FARP1: variants seen among roughly 807,000 people sequenced by gnomAD.
The protein encoded by FARP1 is FERM, ARHGEF and pleckstrin domain-containing protein 1.
A neutral mutation model predicts 128.8 loss-of-function variants in FARP1; 52 were observed. The ratio of observed to expected loss-of-function variants is 0.40; its 90% CI spans 0.32 to 0.51. The LOEUF (loss-of-function observed/expected upper bound fraction) is 0.51. Ranked by LOEUF, FARP1 falls within the 20% of genes least tolerant of loss-of-function variation. The pLI, the probability that FARP1 is intolerant of heterozygous loss-of-function variation, is 0.45. For missense variants in FARP1, 1,333 were observed against 1,367.9 expected (o/e 0.97, Z 0.40); for synonymous variants, 580 against 551.8 (o/e 1.05, Z -0.72).
chr13:98,152,480 A>C (rs1015380166), intron 1 of FARP1, among the ~76,000 whole-genome samples: 1 of 152,162 alleles, frequency 6.6e-6, no homozygotes, highest in African/African-American at 2.4e-5. Flanking sequence ...TTTTTACTAG[A>C]CCTGAAGCAG....
chr13:98,317,484 G>T (rs1886771805), intron 2 of FARP1, among the ~76,000 whole-genome samples: 1 of 152,190 alleles, frequency 6.6e-6, no homozygotes, highest in Non-Finnish European at 1.5e-5. Flanking sequence ...GACTCCATAA[G>T]TATATTTGAA....
In FARP1 at chr13:98,218,035, A is replaced by C. The variant is rs1881188074; in HGVS notation, c.171+4622A>C. Reference sequence around the variant, plus strand: ...CCCTCAACTTACCCATCTTCTGGGCACTAAGAGCCGCCTCCTTTGTGAGAT... The same window carrying C: ...CCCTCAACTTACCCATCTTCTGGGCCCTAAGAGCCGCCTCCTTTGTGAGAT... On this transcript the variant is annotated intron_variant, in intron 2 of 26. Coordinates refer to ENST00000319562, the MANE Select transcript of FARP1 (RefSeq NM_005766.4). 2.0e-5 allele frequency among the ~76,000 whole-genome samples: 3 copies of C among 152,030 alleles called. No homozygotes were observed. In the East Asian group the frequency reaches 5.8e-4, roughly 29 times the overall value.
At chr13:98,340,525 A>G (rs1244661136) in intron 2 of FARP1, among the ~76,000 whole-genome samples, 2 of 152,008 alleles carry the variant, frequency 1.3e-5, no homozygotes, top group African/African-American at 4.8e-5. Context: ...TTGTATTTGT[A>G]GTAGAGATGG....
intron 2 of FARP1, among the ~76,000 whole-genome samples, chr13:98,302,500 G>A (rs146633376): frequency 3.7e-4 from 56 of 152,212 alleles, no homozygotes; most frequent in South Asian, 1.7e-3. Context: ...CCCTTCCTGG[G>A]CGTGCTCAGG....
At position 98,176,991 on chromosome 13, in the gene FARP1, G is replaced by T; in HGVS notation, c.-24+33499G>T. The T allele has an allele frequency of 6.3e-7, 1 of 1,598,894 alleles. No individual in the cohort carries two copies. The highest frequency in any genetic ancestry group is 8.5e-7 in the Non-Finnish European group (1 of 1,179,334). On this transcript the variant is annotated intron_variant, in intron 1 of 26. Coordinates refer to ENST00000319562, the MANE Select transcript of FARP1 (RefSeq NM_005766.4). This position sits in a 1 kb window ranked among gnomAD's most constrained non-coding sequence, Gnocchi z 6.2. ...CGAGGCTCTCAGGCGCCGCCTCCTC[G>T]CCCCTCCTGTCGCCGTGAGCCGCCT...
At chr13:98,440,996 G>A (rs773714464) in intron 24 of FARP1, among the ~76,000 whole-genome samples, 160 bp downstream of exon 24, 7 of 152,236 alleles carry the variant, frequency 4.6e-5, no homozygotes, top group Non-Finnish European at 8.8e-5. Context: ...GCCCCCTTTG[G>A]AGCCTGCCGG....
intron 2 of FARP1, among the ~76,000 whole-genome samples, chr13:98,255,601 A>G (rs1279451278): frequency 6.6e-6 from 1 of 152,174 alleles, no homozygotes; most frequent in Non-Finnish European, 1.5e-5. Flanking sequence ...TTTTAATTGT[A>G]TTTGCCTTCA....
chr13:98,180,948 T>C (rs1277360450), intron 1 of FARP1, among the ~76,000 whole-genome samples: 1 of 152,248 alleles, frequency 6.6e-6, no homozygotes. Context: ...TACTCTGTTG[T>C]TAGATTATGT....
chr13:98,430,668 T>C (rs192603368), intron 17 of FARP1, among the ~76,000 whole-genome samples: 20 of 152,328 alleles, frequency 1.3e-4, no homozygotes, highest in African/African-American at 4.3e-4. Context: ...CTGGGCTGTT[T>C]GTTATCTGAA....
intron 2 of FARP1, among the ~76,000 whole-genome samples, chr13:98,280,270 C>G (rs754870316): frequency 3.9e-5 from 6 of 152,210 alleles, no homozygotes; most frequent in Non-Finnish European, 8.8e-5. Context: ...CCCCCATGCC[C>G]TCCCCCTCCA....
chr13:98,384,549 TCAC>T, intron 6 of FARP1, 178 bp from the exon 7 acceptor site: 1 of 601,300 alleles, frequency 1.7e-6, no homozygotes, highest in South Asian at 2.1e-5. Flanking sequence ...TCTTCTCACA[TCAC>T]CACAATTGAT....
At chr13:98,222,246 G>T (rs1192404687) in intron 2 of FARP1, among the ~76,000 whole-genome samples, 2 of 152,164 alleles carry the variant, frequency 1.3e-5, no homozygotes, top group African/African-American at 4.8e-5. Flanking sequence ...CATGATACGG[G>T]TTTCACAAAT....
intron 2 of FARP1, among the ~76,000 whole-genome samples, chr13:98,301,232 C>G (rs2139699439): frequency 6.6e-6 from 1 of 152,296 alleles, no homozygotes; most frequent in Non-Finnish European, 1.5e-5. Flanking sequence ...TTGACCAGCT[C>G]CTGGCCACTT....
chr13:98,155,343 CAAAAAA>C (rs67425847), intron 1 of FARP1, among the ~76,000 whole-genome samples: 43 of 64,548 alleles, frequency 6.7e-4, no homozygotes, highest in African/African-American at 2.2e-3. Context: ...AACTCTGTCT[CAAAAAA>C]AAAAAAAAAA....
At chr13:98,214,738 T>C (rs539424667) in intron 2 of FARP1, among the ~76,000 whole-genome samples, 6 of 152,314 alleles carry the variant, frequency 3.9e-5, no homozygotes, top group African/African-American at 1.4e-4. Flanking sequence ...TCTTGTGGAA[T>C]TTGTATCTTT....
intron 1 of FARP1, among the ~76,000 whole-genome samples, chr13:98,194,609 A>T (rs1339959162): frequency 6.6e-6 from 1 of 152,220 alleles, no homozygotes; most frequent in African/African-American, 2.4e-5. Context: ...GAAAATAACA[A>T]TTTATTACTT....
intron 1 of FARP1, among the ~76,000 whole-genome samples, chr13:98,184,618 C>A (rs1878739618): frequency 6.6e-6 from 1 of 152,082 alleles, no homozygotes; most frequent in African/African-American, 2.4e-5. Flanking sequence ...GAAAAAAATA[C>A]CAAAATGCGA....
intron 3 of FARP1, among the ~76,000 whole-genome samples, chr13:98,350,997 G>GCCTCCCCTGCCCAGCCTCA (rs1888396017): frequency 7.5e-6 from 1 of 134,202 alleles, no homozygotes; most frequent in Non-Finnish European, 1.5e-5. Context: ...GCCCAGCCTC[G>GCCTCCCCTGCCCAGCCTCA]CCTCCCCTGC....
In FARP1 at chr13:98,410,830, G is replaced by T. The variant is rs753030310; in HGVS notation, c.1692+7G>T. On this transcript the variant is annotated splice_region_variant and intron_variant, in intron 15 of 26. Transcript: ENST00000319562. ...TCTCGAAGTTATCACTTCGGTATGT[G>T]CAGTATTTCCCCAAAAGCATTCGAT... is the stretch of plus-strand genomic sequence containing the variant. 6.8e-7 allele frequency: 1 copy of T among 1,463,912 alleles called. No homozygotes were observed. Among genetic ancestry groups the T allele is most frequent in the South Asian group, 1.2e-5 (1 of 85,686 alleles). The allele number at this position is 1,463,912 out of a possible 1,614,324, so 90.7% of individuals were successfully genotyped here.
Sources: allele counts gnomAD v4.1 joint callset (sites outside exome capture counted in the v4.1 genomes callset), GRCh38; gene constraint gnomAD v4.1.1; non-coding constraint Gnocchi (gnomAD v3.1); transcripts MANE v1.5; gene names NCBI Gene and HGNC (gene_info 2026-07-23, HGNC 2026-07-21).